FHOD3: variants seen among roughly 807,000 people sequenced by gnomAD.
The protein encoded by FHOD3 is formin homology 2 domain containing 3, also known as FH1/FH2 domain-containing protein 3.
A neutral mutation model predicts 173.0 loss-of-function variants in FHOD3; 90 were observed. The ratio of observed to expected loss-of-function variants is 0.52; its 90% CI spans 0.44 to 0.62. The LOEUF (loss-of-function observed/expected upper bound fraction) is 0.62, where lower values mean the gene tolerates loss of function less well. Among genes scored for constraint, FHOD3 ranks in the 20% least tolerant of loss-of-function variants. FHOD3 has a pLI of 0.00. For synonymous variants in FHOD3, 828 were observed against 823.0 expected (o/e 1.01, Z -0.10); for missense variants, 1,945 against 2,034.7 (o/e 0.96, Z 0.85).
intron 3 of FHOD3, among the ~76,000 whole-genome samples, chr18:36,422,763 G>C (rs1026883835): frequency 1.3e-5 from 2 of 152,166 alleles, no homozygotes; most frequent in African/African-American, 2.4e-5. Flanking sequence ...GTTAATTAGC[G>C]TCCTTAAGTA....
chr18:36,398,581 A>G lies in FHOD3; in HGVS notation c.337+25837A>G, dbSNP rs73949470. On this transcript the variant is annotated intron_variant, in intron 3 of 28. Coordinates refer to ENST00000590592, the MANE Select transcript of FHOD3 (RefSeq NM_001281740.3). ...GTGGAGCTGTTGTGTAGTCTCAATGATTTGTTCCATTGTGATGGTCAGGGC... is the reference window on the plus strand; with the variant it reads ...GTGGAGCTGTTGTGTAGTCTCAATGGTTTGTTCCATTGTGATGGTCAGGGC... Among the ~76,000 whole-genome samples the G allele has an allele frequency of 5.3e-3, 811 of 152,090 alleles. 10 individuals are homozygous for G. The highest frequency in any genetic ancestry group is 0.018 in the African/African-American group (765 of 41,446).
At chr18:36,729,186 A>T (rs2041226934) in intron 19 of FHOD3, among the ~76,000 whole-genome samples, 1 of 152,086 alleles carries the variant, frequency 6.6e-6, no homozygotes, top group Non-Finnish European at 1.5e-5. Flanking sequence ...TCTTCAGGAG[A>T]TCCACAGTGC....
chr18:36,641,106 A>G (rs987661367), intron 10 of FHOD3, among the ~76,000 whole-genome samples: 3 of 152,118 alleles, frequency 2.0e-5, no homozygotes, highest in African/African-American at 7.2e-5. Flanking sequence ...ACGCTGTGCT[A>G]GGTCCTCAGG....
intron 21 of FHOD3, 91 bp downstream of exon 21, chr18:36,740,929 T>G: frequency 2.4e-6 from 3 of 1,276,258 alleles, no homozygotes; most frequent in Non-Finnish European, 3.2e-6. Flanking sequence ...CAGTGAAATA[T>G]CATTCTTGGC....
chr18:36,474,344 G>T (rs193138724), intron 3 of FHOD3, among the ~76,000 whole-genome samples: 1 of 152,180 alleles, frequency 6.6e-6, no homozygotes, highest in East Asian at 1.9e-4. Flanking sequence ...CATGATGGTG[G>T]CAGTATGGAA....
intron 3 of FHOD3, among the ~76,000 whole-genome samples, chr18:36,387,977 C>A (rs961563001): frequency 4.6e-5 from 7 of 152,074 alleles, no homozygotes. Flanking sequence ...AGGAGCTAAT[C>A]ATGGAACTGT....
At chr18:36,510,878 C>A (rs1282580313) in intron 4 of FHOD3, among the ~76,000 whole-genome samples, 1 of 152,166 alleles carries the variant, frequency 6.6e-6, no homozygotes, top group Non-Finnish European at 1.5e-5. Context: ...ACTCACCCAC[C>A]CTTCCCCCCA....
intron 3 of FHOD3, among the ~76,000 whole-genome samples, chr18:36,418,845 C>T (rs2147036074): frequency 6.6e-6 from 1 of 152,188 alleles, no homozygotes; most frequent in South Asian, 2.1e-4. Flanking sequence ...GCCCGGGAGG[C>T]AGAGGTTGCA....
chr18:36,600,700 T>C (rs572954894), intron 7 of FHOD3, among the ~76,000 whole-genome samples: 1 of 152,186 alleles, frequency 6.6e-6, no homozygotes, highest in South Asian at 2.1e-4. Context: ...TTAAGGGGAG[T>C]ACCAATGTAG....
intron 10 of FHOD3, among the ~76,000 whole-genome samples, chr18:36,648,188 T>G (rs548407614): frequency 1.1e-4 from 17 of 151,946 alleles, no homozygotes; most frequent in African/African-American, 4.1e-4. Flanking sequence ...AATGAGAGAT[T>G]TGGGTGAATG....
chr18:36,547,686 G>A (rs1340615206), intron 5 of FHOD3, among the ~76,000 whole-genome samples: 3 of 152,140 alleles, frequency 2.0e-5, no homozygotes, highest in Admixed American at 2.0e-4. Context: ...GAGAAATTCG[G>A]GAAGGAACGT....
rs183706997 is a variant in FHOD3 at position 36,448,885 on chromosome 18, T to C, written c.338-53047T>C. 2.3e-3 allele frequency among the ~76,000 whole-genome samples: 348 copies of C among 152,054 alleles called. 1 individual carries two copies. Among genetic ancestry groups the C allele is most frequent in the African/African-American group, 7.9e-3 (328 of 41,488 alleles). ...TCTGGGGACTTCTCTCCTTGCACTC[T>C]CTTGTGACCAAACATGCAGCCTCTG... On this transcript the variant is annotated intron_variant, in intron 3 of 28. Coordinates refer to ENST00000590592, the MANE Select transcript of FHOD3 (RefSeq NM_001281740.3).
intron 3 of FHOD3, among the ~76,000 whole-genome samples, chr18:36,384,310 G>T (rs1016370450): frequency 7.2e-5 from 11 of 152,008 alleles, no homozygotes; most frequent in Admixed American, 3.3e-4. Context: ...AACCCAGGAG[G>T]CGGAGATTCC....
chr18:36,480,465 T>A (rs941558274), intron 3 of FHOD3, among the ~76,000 whole-genome samples: 1 of 152,242 alleles, frequency 6.6e-6, no homozygotes, highest in African/African-American at 2.4e-5. Flanking sequence ...TCAGTCCTTC[T>A]GACCTAGGAA....
At chr18:36,345,394 T>C (rs1046530364) in intron 1 of FHOD3, among the ~76,000 whole-genome samples, 2 of 152,230 alleles carry the variant, frequency 1.3e-5, no homozygotes, top group Non-Finnish European at 2.9e-5. Flanking sequence ...TCAGATCCTG[T>C]GGACTATAGC....
intron 3 of FHOD3, among the ~76,000 whole-genome samples, chr18:36,468,042 G>A (rs1258948407): frequency 6.6e-6 from 1 of 152,340 alleles, no homozygotes; most frequent in East Asian, 1.9e-4. Context: ...GGGTTCCCAT[G>A]TACTTCCCAC....
intron 14 of FHOD3, among the ~76,000 whole-genome samples, chr18:36,663,009 C>T (rs1189553943): frequency 1.3e-5 from 2 of 152,082 alleles, no homozygotes; most frequent in Non-Finnish European, 2.9e-5. Context: ...GTAGCAATCA[C>T]TTTTCTCATT....
At chr18:36,327,249 T>C (rs1465921515) in intron 1 of FHOD3, among the ~76,000 whole-genome samples, 2 of 152,250 alleles carry the variant, frequency 1.3e-5, no homozygotes, top group Admixed American at 6.5e-5. Context: ...TAAAACTCAC[T>C]GGTGTGCTGG....
chr18:36,682,039 TC>T (rs1452149227), intron 15 of FHOD3, among the ~76,000 whole-genome samples: 1 of 152,196 alleles, frequency 6.6e-6, no homozygotes, highest in African/African-American at 2.4e-5. Flanking sequence ...GGGGGAAAAG[TC>T]ATTGTGTTGA....
Sources: allele counts gnomAD v4.1 joint callset (sites outside exome capture counted in the v4.1 genomes callset), GRCh38; gene constraint gnomAD v4.1.1; transcripts MANE v1.5; gene names NCBI Gene and HGNC (gene_info 2026-07-23, HGNC 2026-07-21).